The following CENPS variants were observed in gnomAD, a reference collection of about 807,000 sequenced individuals.
The protein encoded by CENPS is FANCM associated histone fold protein 1.
A neutral mutation model predicts 17.9 loss-of-function variants in CENPS; 16 were observed. The ratio of observed to expected loss-of-function variants is 0.90; its 90% confidence interval spans 0.61 to 1.36. The LOEUF (loss-of-function observed/expected upper bound fraction) is 1.36. CENPS is among the 40% of genes most tolerant of loss of function. CENPS has a pLI of 0.00. For synonymous variants in CENPS, 49 were observed against 55.8 expected, an observed-to-expected ratio of 0.88 and a Z score of 0.54; for missense variants, 160 against 158.6, an observed-to-expected ratio of 1.01 and a Z score of -0.05.
intron 3 of CENPS, chr1:10,439,995 G>A (rs1640338325): frequency 4.1e-6 from 1 of 246,408 alleles, no homozygotes; most frequent in South Asian, 8.8e-5. Flanking sequence ...CTCTGCACTA[G>A]AGTTGTACAC....
At chr1:10,433,767 G>A in intron 1 of CENPS, 75 bp from the exon 2 acceptor site, 1 of 1,599,178 alleles carries the variant, frequency 6.3e-7, no homozygotes, top group Non-Finnish European at 8.5e-7. Context: ...CCCTCTCCTT[G>A]GTCTTCATTT....
intron 3 of CENPS, among the ~76,000 whole-genome samples, chr1:10,436,661 G>A (rs1412603090): frequency 6.8e-6 from 1 of 147,298 alleles, no homozygotes; most frequent in African/African-American, 2.5e-5. Context: ...AGTCGAGATC[G>A]TGCCCCTTCA....
chr1:10,432,515 T>A (rs1272137747), intron 1 of CENPS, among the ~76,000 whole-genome samples: 1 of 152,174 alleles, frequency 6.6e-6, no homozygotes, highest in Non-Finnish European at 1.5e-5. Context: ...CCCCCATTCA[T>A]GTAACCAACT....
At chr1:10,435,971 TAA>T (rs1377389052) in intron 3 of CENPS, among the ~76,000 whole-genome samples, 1 of 139,710 alleles carries the variant, frequency 7.2e-6, no homozygotes, top group Non-Finnish European at 1.5e-5. Flanking sequence ...TTAAAGTATA[TAA>T]GAGGTTGATT....
At chr1:10,438,584 A>T (rs1640276524) in intron 3 of CENPS, among the ~76,000 whole-genome samples, 1 of 152,220 alleles carries the variant, frequency 6.6e-6, no homozygotes, top group African/African-American at 2.4e-5. Flanking sequence ...AGCCCGTGTT[A>T]CAAAGCGTGT....
chr1:10,431,052 T>A, intron 1 of CENPS: 2 of 1,354,270 alleles, frequency 1.5e-6, no homozygotes, highest in East Asian at 6.1e-5. Context: ...TAGATGTGGG[T>A]TCGAATCTCT....
At chr1:10,432,287 G>A (rs1347087013) in intron 1 of CENPS, among the ~76,000 whole-genome samples, 1 of 152,130 alleles carries the variant, frequency 6.6e-6, no homozygotes, top group Non-Finnish European at 1.5e-5. Context: ...GTTTCACCAT[G>A]TTGGCCAGGC....
At position 10,435,710 on chromosome 1, in the gene CENPS, T is replaced by TAC. The variant is rs778086497; in HGVS notation, c.209+1021_209+1022insCA. Among the ~76,000 whole-genome samples, 925 of 143,558 alleles carry TAC rather than the reference T, an allele frequency of 6.4e-3. 12 individuals carry two copies. The highest frequency in any genetic ancestry group is 0.023 in the African/African-American group (886 of 38,396). 94.2% of individuals were successfully genotyped at this position (143,558 alleles called of 152,430 possible). A position where few individuals can be genotyped will look rare whatever the true frequency, so the allele number is the denominator to read the frequency against. On this transcript the variant is annotated intron_variant, in intron 3 of 4. Transcript: ENST00000309048. ...TTTAAATACTTAAAAATAATATATA[T>TAC]ATATATACACACACACACACACACA...
rs537436444 is a variant in CENPS, at chr1:10,441,401, G to A, written c.277-864G>A. On this transcript the variant is annotated intron_variant, in intron 4 of 4. Transcript: ENST00000309048. Reference sequence around the variant, plus strand: ...CGCATCATTGCTCACTGCAGTCCCCGTCTCCTGGGCTCCAGTGATACTTTC... The same window carrying A: ...CGCATCATTGCTCACTGCAGTCCCCATCTCCTGGGCTCCAGTGATACTTTC... 4.3e-5 allele frequency among the ~76,000 whole-genome samples: 6 copies of A among 140,462 alleles called. No individual in the cohort carries two copies. The South Asian group carries it at 1.1e-3, about 27-fold the overall frequency. The allele number at this position is 140,462 out of a possible 152,430, so 92.1% of individuals were successfully genotyped here.
intron 1 of CENPS, chr1:10,430,868 C>A: frequency 3.1e-6 from 4 of 1,308,118 alleles, no homozygotes; most frequent in Non-Finnish European, 3.9e-6. Context: ...TCGGTTTCCC[C>A]TTCTCAGATG....
At position 10,434,455 on chromosome 1, in the gene CENPS, G is replaced by A. The variant is rs189887373; in HGVS notation, c.176-202G>A. Among the ~76,000 whole-genome samples the A allele has an allele frequency of 6.9e-3, 1,046 of 152,304 alleles. 9 individuals are homozygous for A. Among genetic ancestry groups the A allele is most frequent in the Non-Finnish European group, 0.011 (757 of 68,020 alleles). ...ATGAAGGGTGAAGGGCTCTGGGAAG[G>A]ACAAGGAGATCGTCATGAATAAAAA... is the stretch of plus-strand genomic sequence containing the variant. On this transcript the variant is annotated intron_variant, in intron 2 of 4. Transcript: ENST00000309048.
chr1:10,431,008 G>C (rs1047739747), intron 1 of CENPS: 16 of 1,292,376 alleles, frequency 1.2e-5, no homozygotes, highest in Admixed American at 7.2e-5. Flanking sequence ...ATGCAGGGAC[G>C]CGGTGCGGAC....
chr1:10,439,198 A>G (rs1401153189), intron 3 of CENPS, among the ~76,000 whole-genome samples: 1 of 152,186 alleles, frequency 6.6e-6, no homozygotes, highest in Non-Finnish European at 1.5e-5. Context: ...TTAACTTAGC[A>G]GTTGTTCAGT....
At chr1:10,433,491 G>A (rs903417586) in intron 1 of CENPS, among the ~76,000 whole-genome samples, 1 of 152,200 alleles carries the variant, frequency 6.6e-6, no homozygotes, top group African/African-American at 2.4e-5. Context: ...CAAACACCTA[G>A]CATATGCCCT....
At chr1:10,434,613 G>T in intron 2 of CENPS, 44 bp from the exon 3 acceptor site, 1 of 1,601,446 alleles carries the variant, frequency 6.2e-7, no homozygotes, top group Non-Finnish European at 8.5e-7. Context: ...TCTGAAATTA[G>T]ATGGGAGGGT....
At chr1:10,430,883 T>G in intron 1 of CENPS, 1 of 1,287,154 alleles carries the variant, frequency 7.8e-7, no homozygotes, top group Non-Finnish European at 9.8e-7. Flanking sequence ...CAGATGGGGT[T>G]TTCGTGAGGG....
At chr1:10,440,146 G>T in intron 3 of CENPS, 2 of 636,442 alleles carry the variant, frequency 3.1e-6, no homozygotes, top group African/African-American at 1.9e-5. Flanking sequence ...ATGGGCCTCC[G>T]CATTCTCCAT....
chr1:10,439,665 C>A (rs1389047608), intron 3 of CENPS, among the ~76,000 whole-genome samples: 2 of 151,988 alleles, frequency 1.3e-5, no homozygotes, highest in Non-Finnish European at 2.9e-5. Context: ...TGCTTTAACC[C>A]GGGAGGCGGA....
chr1:10,434,716 C>T (rs2124260161), intron 3 of CENPS, 26 bp downstream of exon 3: 1 of 1,590,748 alleles, frequency 6.3e-7, no homozygotes, highest in African/African-American at 1.4e-5. Context: ...GATTATCCGA[C>T]ACTGCGTCTG....
Sources: allele counts gnomAD v4.1 joint callset (sites outside exome capture counted in the v4.1 genomes callset), GRCh38; gene constraint gnomAD v4.1.1; transcripts MANE v1.5; gene names NCBI Gene and HGNC (gene_info 2026-07-23, HGNC 2026-07-21).